CYP2C19: variants seen among roughly 807,000 people sequenced by gnomAD.
The protein encoded by CYP2C19 is cytochrome P450 2C19.
In CYP2C19, 59 loss-of-function variants were observed where a neutral mutation model predicts 40.9. The observed-to-expected ratio is 1.44, with a 90% confidence interval of 1.17 to 1.79. The LOEUF (loss-of-function observed/expected upper bound fraction) is 1.79. Among genes scored for constraint, CYP2C19 ranks in the 40% most tolerant of loss-of-function variants. The pLI, the probability that CYP2C19 is intolerant of heterozygous loss-of-function variation, is 0.00. For synonymous variants in CYP2C19, 253 were observed against 208.7 expected (o/e 1.21, Z -1.83); for missense variants, 754 against 596.9 (o/e 1.26, Z -2.74).
intron 5 of CYP2C19, among the ~76,000 whole-genome samples, chr10:94,785,155 A>G (rs1300788711): frequency 6.6e-6 from 1 of 151,992 alleles, no homozygotes; most frequent in East Asian, 1.9e-4. Flanking sequence ...TTGATGCACA[A>G]AGTTTAATTT....
chr10:94,777,174 G>A (rs1418548866), intron 3 of CYP2C19, among the ~76,000 whole-genome samples: 2 of 151,962 alleles, frequency 1.3e-5, no homozygotes, highest in African/African-American at 2.4e-5. Flanking sequence ...ATGGAAAAAC[G>A]TTCCATGCTC....
At chr10:94,797,141 C>T (rs1269151578) in intron 5 of CYP2C19, among the ~76,000 whole-genome samples, 1 of 151,968 alleles carries the variant, frequency 6.6e-6, no homozygotes, top group African/African-American at 2.4e-5. Flanking sequence ...TCATAAATAG[C>T]TCTTATTATT....
At position 94,852,991 on chromosome 10, in the gene CYP2C19, G is replaced by A. The variant is rs776343249; in HGVS notation, c.*77G>A. ...CTCTGGTCCAAATTTCACTATCTGT[G>A]ATGCTTCTTCTGACCCGTCATCTCA... On this transcript the variant is annotated 3_prime_UTR_variant, in exon 9 of 9. Coordinates refer to ENST00000371321, the MANE Select transcript of CYP2C19 (RefSeq NM_000769.4). 2.0e-6 allele frequency: 3 copies of A among 1,465,908 alleles called. No individual in the cohort carries two copies. Among genetic ancestry groups the A allele is most frequent in the Non-Finnish European group, 2.8e-6 (3 of 1,059,026 alleles). 90.8% of individuals were successfully genotyped at this position (1,465,908 alleles called of 1,614,324 possible). A position where few individuals can be genotyped will look rare whatever the true frequency, so the allele number is the denominator to read the frequency against.
At chr10:94,798,122 A>G (rs1848713338) in intron 5 of CYP2C19, among the ~76,000 whole-genome samples, 1 of 151,888 alleles carries the variant, frequency 6.6e-6, no homozygotes, top group Non-Finnish European at 1.5e-5. Flanking sequence ...TCTCTTGTGC[A>G]TATTTAGTGC....
chr10:94,805,216 T>G (rs972796661), intron 5 of CYP2C19, among the ~76,000 whole-genome samples: 11 of 152,154 alleles, frequency 7.2e-5, no homozygotes, highest in African/African-American at 2.7e-4. Flanking sequence ...TATGCTTTAT[T>G]ATGGTAAGGG....
chr10:94,844,112 T>C (rs754204724), intron 7 of CYP2C19, among the ~76,000 whole-genome samples: 1 of 151,626 alleles, frequency 6.6e-6, no homozygotes. Flanking sequence ...GCCAGCCTTA[T>C]AAAACTAAGT....
At chr10:94,770,195 G>A (rs191721101) in intron 1 of CYP2C19, among the ~76,000 whole-genome samples, 2 of 152,252 alleles carry the variant, frequency 1.3e-5, no homozygotes, top group African/African-American at 2.4e-5. Context: ...CTTACCCTGG[G>A]CACCCTGAGT....
rs572853437 is a variant in CYP2C19 at position 94,762,869 on chromosome 10, C to G, written c.164C>G (p.Thr55Ser). 4.6e-5 allele frequency: 75 copies of G among 1,613,172 alleles called. 1 individual carries two copies. The South Asian group carries it at 6.5e-4, about 14-fold the overall frequency. Residue 55 changes from threonine (T) to serine (S), a missense_variant, in exon 1 of 9, where the codon ACC (threonine) becomes AGC (serine). Transcript: ENST00000371321. The part of the protein sequence containing the change: ...IDIKDVSKSL[T>S]NLSKIYGPVF... Reference sequence around the variant, plus strand: ...ATTAAGGATGTCAGCAAATCCTTAACCAATGTAAGTATGCTCCTTCAGTGG... The same window carrying G: ...ATTAAGGATGTCAGCAAATCCTTAAGCAATGTAAGTATGCTCCTTCAGTGG...
chr10:94,837,600 G>A (rs1376487581), intron 6 of CYP2C19, among the ~76,000 whole-genome samples: 1 of 152,148 alleles, frequency 6.6e-6, no homozygotes, highest in Non-Finnish European at 1.5e-5. Context: ...TTAGTGACTG[G>A]GAGAAGTATC....
At chr10:94,848,737 T>A (rs1039286269) in intron 7 of CYP2C19, among the ~76,000 whole-genome samples, 1 of 152,220 alleles carries the variant, frequency 6.6e-6, no homozygotes, top group Non-Finnish European at 1.5e-5. Flanking sequence ...TTTGTTTGTA[T>A]CCTCTTTTAT....
Position 94,834,871 on chromosome 10 carries a change from A to G in CYP2C19, c.962-7966A>G, listed in dbSNP as rs139025621. On this transcript the variant is annotated intron_variant, in intron 6 of 8. Coordinates refer to ENST00000371321, the MANE Select transcript of CYP2C19 (RefSeq NM_000769.4). ...TTAGGGATTCTTAGTCAGCTAGGAA[A>G]TCCAGCTAGTCCTGTCTCTAAGTCC... Among the ~76,000 whole-genome samples the G allele has an allele frequency of 9.2e-5, 14 of 152,296 alleles. No homozygotes were observed. The East Asian group carries it at 2.7e-3, about 29-fold the overall frequency.
chr10:94,850,169 T>A, intron 8 of CYP2C19, 111 bp downstream of exon 8: 1 of 1,265,004 alleles, frequency 7.9e-7, no homozygotes, highest in South Asian at 1.2e-5. Context: ...TTGTACATGA[T>A]CAAGAGCACT....
At chr10:94,835,769 G>C (rs1030143975) in intron 6 of CYP2C19, among the ~76,000 whole-genome samples, 1 of 152,018 alleles carries the variant, frequency 6.6e-6, no homozygotes, top group African/African-American at 2.4e-5. Flanking sequence ...ACTTAGATCT[G>C]TATATATATA....
At position 94,778,882 on chromosome 10, in the gene CYP2C19, C is replaced by T. The variant is rs148600337; in HGVS notation, c.482-1617C>T. Among the ~76,000 whole-genome samples the T allele has an allele frequency of 2.3e-3, 348 of 152,134 alleles. 2 individuals carry two copies. Among genetic ancestry groups the T allele is most frequent in the Admixed American group, 4.0e-3 (61 of 15,278 alleles). On this transcript the variant is annotated intron_variant, in intron 3 of 8. Transcript: ENST00000371321. ...CCAACCCAAATGCCCATCAATGACACACTGGATAAAGAAAATGTGGCACAT... is the reference window on the plus strand; with the variant it reads ...CCAACCCAAATGCCCATCAATGACATACTGGATAAAGAAAATGTGGCACAT...
At chr10:94,802,345 T>G in intron 5 of CYP2C19, among the ~76,000 whole-genome samples, 1 of 152,282 alleles carries the variant, frequency 6.6e-6, no homozygotes, top group East Asian at 1.9e-4. Context: ...GTAGTGGCCT[T>G]CTTTGTCTCT....
At position 94,764,350 on chromosome 10, in the gene CYP2C19, A is replaced by C. The variant is rs185893012; in HGVS notation, c.168+1477A>C. The stretch of plus-strand genomic sequence containing the variant: ...AGAGTGCTGATTGGTGTGTTTACAA[A>C]CCTTTAGCTAGACACAGAGAGCTGA... On this transcript the variant is annotated intron_variant, in intron 1 of 8. Transcript: ENST00000371321. Among the ~76,000 whole-genome samples, 240 of 152,078 alleles carry C rather than the reference A, an allele frequency of 1.6e-3. 1 individual carries two copies. The highest frequency in any genetic ancestry group is 2.8e-3 in the Non-Finnish European group (187 of 67,990).
At chr10:94,791,269 T>C (rs987057785) in intron 5 of CYP2C19, among the ~76,000 whole-genome samples, 1 of 152,134 alleles carries the variant, frequency 6.6e-6, no homozygotes, top group Non-Finnish European at 1.5e-5. Flanking sequence ...TTCTCCTTTA[T>C]TATTTTTGCT....
chr10:94,764,986 C>G lies in CYP2C19; in HGVS notation c.168+2113C>G, dbSNP rs117858362. On this transcript the variant is annotated intron_variant, in intron 1 of 8. Transcript: ENST00000371321. ...GATTGGTTAGTGTAAAAATTATACT[C>G]TTCCCCTAAGAAGGTGCAGAGTCCT... is the stretch of plus-strand genomic sequence containing the variant. Among the ~76,000 whole-genome samples, 241 of 152,226 alleles carry G rather than the reference C, an allele frequency of 1.6e-3. 1 individual carries two copies. Among genetic ancestry groups the G allele is most frequent in the Non-Finnish European group, 2.7e-3 (187 of 68,018 alleles).
At chr10:94,837,487 A>G (rs1849422668) in intron 6 of CYP2C19, among the ~76,000 whole-genome samples, 2 of 152,134 alleles carry the variant, frequency 1.3e-5, no homozygotes, top group Admixed American at 1.3e-4. Flanking sequence ...CAGGTGTATA[A>G]TGGCCCCTGG....
Sources: allele counts gnomAD v4.1 joint callset (sites outside exome capture counted in the v4.1 genomes callset), GRCh38; gene constraint gnomAD v4.1.1; transcripts MANE v1.5; gene names NCBI Gene and HGNC (gene_info 2026-07-23, HGNC 2026-07-21).